STAT1: variants seen among roughly 807,000 people sequenced by gnomAD.
The protein encoded by STAT1 is signal transducer and activator of transcription 1, also known as signal transducer and activator of transcription 1-alpha/beta.
In STAT1, 24 loss-of-function variants were observed where a neutral mutation model predicts 111.7. That is an observed-to-expected ratio of 0.21 (90% confidence interval 0.16 to 0.30). The LOEUF (loss-of-function observed/expected upper bound fraction) is 0.30, where lower values mean the gene tolerates loss of function less well. Ranked by LOEUF, STAT1 falls within the 10% of genes least tolerant of loss-of-function variation. STAT1 has a pLI of 1.00. For missense variants in STAT1, 351 were observed against 911.9 expected, an observed-to-expected ratio of 0.38 and a Z score of 7.92; for synonymous variants, 332 against 326.5, an observed-to-expected ratio of 1.02 and a Z score of -0.18.
intron 5 of STAT1, among the ~76,000 whole-genome samples, chr2:191,005,878 A>G (rs1480406426): frequency 3.3e-5 from 5 of 152,220 alleles, no homozygotes; most frequent in Admixed American, 3.3e-4. Context: ...CACCCCAAGA[A>G]GGCTTTGCAA....
intron 2 of STAT1, chr2:191,010,282 G>A (rs776988060): frequency 1.2e-5 from 6 of 491,724 alleles, no homozygotes; most frequent in Admixed American, 2.4e-5. Context: ...TATTTAAACT[G>A]CAACCACCTC....
intron 12 of STAT1, among the ~76,000 whole-genome samples, chr2:190,988,745 C>G (rs2125041203): frequency 6.6e-6 from 1 of 152,136 alleles, no homozygotes; most frequent in East Asian, 1.9e-4. Flanking sequence ...AAGATGATGG[C>G]AGGGAAGACA....
At chr2:191,005,852 C>G (rs962953949) in intron 5 of STAT1, among the ~76,000 whole-genome samples, 1 of 152,208 alleles carries the variant, frequency 6.6e-6, no homozygotes, top group African/African-American at 2.4e-5. Context: ...CCCCAGACAC[C>G]CAGAAACTTC....
rs931830306 is a variant in STAT1, at chr2:190,994,945, TATATATATATATAA to T, written c.944+102_944+115del. 6.4e-3 allele frequency: 2,143 copies of T among 334,386 alleles called. 91 individuals carry two copies. Among genetic ancestry groups the T allele is most frequent in the African/African-American group, 0.047 (1,915 of 40,808 alleles). The allele number at this position is 334,386 out of a possible 1,614,324, so 20.7% of individuals were successfully genotyped here. A position where few individuals can be genotyped will look rare whatever the true frequency, so the allele number is the denominator to read the frequency against. On this transcript the variant is annotated intron_variant, in intron 10 of 24. Transcript: ENST00000361099. ...AAAAAAAAATATATATATATATATATATATATATATATAAAAAACACCTATTAAACCCTTGTAAA... is the reference window on the plus strand; with the variant it reads ...AAAAAAAAATATATATATATATATATAAAACACCTATTAAACCCTTGTAAA...
rs1377836670 is a variant in STAT1 at position 190,980,115 on chromosome 2, G to C, written c.1633-249C>G. On this transcript the variant is annotated intron_variant, in intron 19 of 24. Coordinates refer to ENST00000361099, the MANE Select transcript of STAT1 (RefSeq NM_007315.4). This position sits in a 1 kb window ranked among gnomAD's most constrained non-coding sequence, Gnocchi z 6.1. ...CGGGCTCTGCTTCCCTTTCCAAACAGTAGCAAGCTAGCCTGGGGGTGACCT... is the reference window on the plus strand; with the variant it reads ...CGGGCTCTGCTTCCCTTTCCAAACACTAGCAAGCTAGCCTGGGGGTGACCT... 2.6e-5 allele frequency among the ~76,000 whole-genome samples: 4 copies of C among 152,230 alleles called. No individual in the cohort carries two copies. In the East Asian group the frequency reaches 7.7e-4, roughly 29 times the overall value.
rs914457841 is a variant in STAT1 at position 190,987,880 on chromosome 2, G to T, written c.1098-812C>A. Among the ~76,000 whole-genome samples the T allele has an allele frequency of 6.6e-6, 1 of 151,996 alleles. No homozygotes were observed. The highest frequency in any genetic ancestry group is 2.4e-5 in the African/African-American group (1 of 41,376). ...CTATTTTCCCGTTTGGAAAAAAAAA[G>T]AATTTAAAATAAAAGGGATAGTATG... On this transcript the variant is annotated intron_variant, in intron 12 of 24. Coordinates refer to ENST00000361099, the MANE Select transcript of STAT1 (RefSeq NM_007315.4). This position sits in a 1 kb window ranked among gnomAD's most constrained non-coding sequence, Gnocchi z 4.0.
At position 190,983,393 on chromosome 2, in the gene STAT1, A is replaced by G. The variant is rs952530053; in HGVS notation, c.1446+249T>C. ...AGTAGATGTATACATTTTAAAAATAATAACAATAAAGTGGTATGGAATCAC... is the reference window on the plus strand; with the variant it reads ...AGTAGATGTATACATTTTAAAAATAGTAACAATAAAGTGGTATGGAATCAC... On this transcript the variant is annotated intron_variant, in intron 17 of 24. Coordinates refer to ENST00000361099, the MANE Select transcript of STAT1 (RefSeq NM_007315.4). The surrounding 1 kb of genome is among the most constrained non-coding windows in gnomAD (Gnocchi z 5.7). Among the ~76,000 whole-genome samples the G allele has an allele frequency of 6.6e-6, 1 of 152,240 alleles. No individual in the cohort carries two copies. Among genetic ancestry groups the G allele is most frequent in the Non-Finnish European group, 1.5e-5 (1 of 68,046 alleles).
At position 190,996,609 on chromosome 2, in the gene STAT1, A is replaced by G. The variant is rs1693875663; in HGVS notation, c.785+1247T>C. Reference sequence around the variant, plus strand: ...GGCTTTAGGGTTGTATGTATCCCTCAAGGCACATGGGGTGCACTGGGCTCA... The same window carrying G: ...GGCTTTAGGGTTGTATGTATCCCTCGAGGCACATGGGGTGCACTGGGCTCA... On this transcript the variant is annotated intron_variant, in intron 9 of 24. Coordinates refer to ENST00000361099, the MANE Select transcript of STAT1 (RefSeq NM_007315.4). This position sits in a 1 kb window ranked among gnomAD's most constrained non-coding sequence, Gnocchi z 4.5. Among the ~76,000 whole-genome samples the G allele has an allele frequency of 6.6e-6, 1 of 152,232 alleles. No individual in the cohort carries two copies. Among genetic ancestry groups the G allele is most frequent in the Admixed American group, 6.5e-5 (1 of 15,288 alleles).
Position 190,982,558 on chromosome 2 carries a change from G to C in STAT1, c.1447-40C>G, listed in dbSNP as rs369271359. 4 of 1,611,354 alleles carry C rather than the reference G, an allele frequency of 2.5e-6. No homozygotes were observed. Among genetic ancestry groups the C allele is most frequent in the Non-Finnish European group, 3.4e-6 (4 of 1,177,670 alleles). On this transcript the variant is annotated intron_variant, in intron 17 of 24. Transcript: ENST00000361099. This position sits in a 1 kb window ranked among gnomAD's most constrained non-coding sequence, Gnocchi z 7.3. ...CCCAAAATCTAAGGGTTACTACAGA[G>C]ACACCAGTCACAAGTGTGGCACTAA...
At chr2:190,994,264 G>A (rs11904548) in intron 10 of STAT1, among the ~76,000 whole-genome samples, 13,351 of 152,212 alleles carry the variant, frequency 0.088, 741 homozygotes, top group East Asian at 0.16. Context: ...GACGTGAAGC[G>A]TGGAGTGTTC....
In STAT1 at chr2:190,985,679, T is replaced by C. The variant is rs572289808; in HGVS notation, c.1222-19A>G. The stretch of plus-strand genomic sequence containing the variant: ...TCAATTGCTATAAAACAAATAATCA[T>C]CTTAGTAAACACCATGGTAATGGTC... On this transcript the variant is annotated intron_variant, in intron 14 of 24. Coordinates refer to ENST00000361099, the MANE Select transcript of STAT1 (RefSeq NM_007315.4). 3 of 1,613,536 alleles carry C rather than the reference T, an allele frequency of 1.9e-6. No homozygotes were observed. The East Asian group carries it at 6.7e-5, about 36-fold the overall frequency.
At position 191,007,709 on chromosome 2, in the gene STAT1, T is replaced by C. The variant is rs894053047; in HGVS notation, c.274-48A>G. On this transcript the variant is annotated intron_variant, in intron 4 of 24. Coordinates refer to ENST00000361099, the MANE Select transcript of STAT1 (RefSeq NM_007315.4). The surrounding 1 kb of genome is among the most constrained non-coding windows in gnomAD (Gnocchi z 4.2). ...AAAATAAATTAAAATGCAGAATGTT[T>C]ACTTTATTGTGTATTGTAAGTTGAT... 7.4e-7 allele frequency: 1 copy of C among 1,345,056 alleles called. No homozygotes were observed. The highest frequency in any genetic ancestry group is 1.1e-6 in the Non-Finnish European group (1 of 938,380). The allele number at this position is 1,345,056 out of a possible 1,614,324, so 83.3% of individuals were successfully genotyped here.
rs537244718 is a variant in STAT1 at position 190,981,348 on chromosome 2, T to C, written c.1583-679A>G. Among the ~76,000 whole-genome samples the C allele has an allele frequency of 9.3e-4, 141 of 152,272 alleles. No homozygotes were observed. Among genetic ancestry groups the C allele is most frequent in the Non-Finnish European group, 1.6e-3 (109 of 68,026 alleles). On this transcript the variant is annotated intron_variant, in intron 18 of 24. Transcript: ENST00000361099. This position sits in a 1 kb window ranked among gnomAD's most constrained non-coding sequence, Gnocchi z 4.1. ...GCATTTCCCTCAGCTTTCCTCCAAATAGGACATGGGCTCAGGCAGTCTGAT... is the reference window on the plus strand; with the variant it reads ...GCATTTCCCTCAGCTTTCCTCCAAACAGGACATGGGCTCAGGCAGTCTGAT...
rs890025315 is a variant in STAT1 at position 190,980,245 on chromosome 2, G to A, written c.1632+375C>T. Reference sequence around the variant, plus strand: ...CTCCAGCAGAATCTAAATGTTCCCCGCAGTGGGCCCCTCTGCTCGAGCAGG... The same window carrying A: ...CTCCAGCAGAATCTAAATGTTCCCCACAGTGGGCCCCTCTGCTCGAGCAGG... On this transcript the variant is annotated intron_variant, in intron 19 of 24. Coordinates refer to ENST00000361099, the MANE Select transcript of STAT1 (RefSeq NM_007315.4). The surrounding 1 kb of genome is among the most constrained non-coding windows in gnomAD (Gnocchi z 6.1). Among the ~76,000 whole-genome samples, 17 of 152,212 alleles carry A rather than the reference G, an allele frequency of 1.1e-4. No homozygotes were observed. Among genetic ancestry groups the A allele is most frequent in the Non-Finnish European group, 1.8e-4 (12 of 68,032 alleles).
intron 10 of STAT1, chr2:190,992,709 C>T: frequency 8.0e-7 from 1 of 1,254,836 alleles, no homozygotes. Flanking sequence ...CTCAGCACCA[C>T]CAGCTGTTGC....
chr2:190,993,790 T>TA lies in STAT1; in HGVS notation c.944+1270dup, dbSNP rs35046975. Among the ~76,000 whole-genome samples the TA allele has an allele frequency of 0.014, 2,038 of 144,334 alleles. 38 individuals are homozygous for TA. Among genetic ancestry groups the TA allele is most frequent in the African/African-American group, 0.041 (1,609 of 39,348 alleles). 94.7% of individuals were successfully genotyped at this position (144,334 alleles called of 152,430 possible). A position where few individuals can be genotyped will look rare whatever the true frequency, so the allele number is the denominator to read the frequency against. ...CATTTTTATCATGTCAAGTTTGCAT[T>TA]AAAAAAAAAAAAACTTGCAATATGA... On this transcript the variant is annotated intron_variant, in intron 10 of 24. Coordinates refer to ENST00000361099, the MANE Select transcript of STAT1 (RefSeq NM_007315.4). The surrounding 1 kb of genome is among the most constrained non-coding windows in gnomAD (Gnocchi z 4.1).
At position 190,977,812 on chromosome 2, in the gene STAT1, A is replaced by G. The variant is rs1258399729; in HGVS notation, c.1874-787T>C. Among the ~76,000 whole-genome samples the G allele has an allele frequency of 2.0e-5, 3 of 152,190 alleles. No homozygotes were observed. The highest frequency in any genetic ancestry group is 2.1e-4 in the South Asian group (1 of 4,828). The stretch of plus-strand genomic sequence containing the variant: ...TCAGCTGGTTCAGGAAGGGAACAGG[A>G]TAAGAGGAAAAGGGCAGGTTCTAAT... On this transcript the variant is annotated intron_variant, in intron 21 of 24. Transcript: ENST00000361099. This position sits in a 1 kb window ranked among gnomAD's most constrained non-coding sequence, Gnocchi z 4.7.
In STAT1 at chr2:190,983,831, T is replaced by C. The variant is rs944851707; in HGVS notation, c.1348-91A>G. 9.7e-7 allele frequency: 1 copy of C among 1,032,866 alleles called. No homozygotes were observed. The highest frequency in any genetic ancestry group is 1.5e-6 in the Non-Finnish European group (1 of 662,114). 64.0% of individuals were successfully genotyped at this position (1,032,866 alleles called of 1,614,324 possible). Reference sequence around the variant, plus strand: ...AGCCTCAACTAAAAGCAGGGGATTATTTGTAAATTTGTACATATTTAATAC... The same window carrying C: ...AGCCTCAACTAAAAGCAGGGGATTACTTGTAAATTTGTACATATTTAATAC... On this transcript the variant is annotated intron_variant, in intron 16 of 24. Transcript: ENST00000361099. The surrounding 1 kb of genome is among the most constrained non-coding windows in gnomAD (Gnocchi z 5.7).
In STAT1 at chr2:190,984,914, G is replaced by A. The variant is rs889664345; in HGVS notation, c.1264-521C>T. On this transcript the variant is annotated intron_variant, in intron 15 of 24. Transcript: ENST00000361099. The surrounding 1 kb of genome is among the most constrained non-coding windows in gnomAD (Gnocchi z 5.2). ...CCTCACAACTTAGAACTAGAGAGGT[G>A]CAACAGCTAGACCCAGGGAGGTCAA... is the stretch of plus-strand genomic sequence containing the variant. 6.6e-6 allele frequency among the ~76,000 whole-genome samples: 1 copy of A among 152,226 alleles called. No individual in the cohort carries two copies. Among genetic ancestry groups the A allele is most frequent in the Non-Finnish European group, 1.5e-5 (1 of 68,046 alleles).
Sources: gnomAD v4.1 joint callset for allele counts (sites outside exome capture counted in the v4.1 genomes callset) on GRCh38, gnomAD v4.1.1 for gene constraint, Gnocchi (gnomAD v3.1) non-coding constraint, MANE v1.5 for transcripts, NCBI Gene and HGNC (gene_info 2026-07-23, HGNC 2026-07-21) for gene names.